SOX5: variants seen among roughly 807,000 people sequenced by gnomAD.
SOX5 encodes transcription factor SOX-5.
In SOX5, 9 loss-of-function variants were observed where a neutral mutation model predicts 92.0. That is an observed-to-expected ratio of 0.10 (90% confidence interval 0.06 to 0.17). The LOEUF (loss-of-function observed/expected upper bound fraction) is 0.17, where lower values mean the gene tolerates loss of function less well. SOX5 is among the 10% of genes least tolerant of loss of function. The probability of loss-of-function intolerance (pLI) is 1.00; values close to 1 mark genes in which losing one functional copy is unlikely to be tolerated. For missense variants in SOX5, 642 were observed against 944.5 expected (o/e 0.68, Z 4.20); for synonymous variants, 344 against 336.3 (o/e 1.02, Z -0.25).
chr12:24,107,169 A>G (rs910761002), intron 4 of SOX5, among the ~76,000 whole-genome samples: 10 of 152,118 alleles, frequency 6.6e-5, no homozygotes, highest in Admixed American at 3.9e-4. Flanking sequence ...TGTTTCTTCT[A>G]CCCAGAGTAT....
At chr12:23,786,964 G>C (rs1201767694) in intron 3 of SOX5, among the ~76,000 whole-genome samples, 1 of 145,508 alleles carries the variant, frequency 6.9e-6, no homozygotes, top group African/African-American at 2.5e-5. Flanking sequence ...CACAGTTGGA[G>C]AACTATTGAT....
intron 4 of SOX5, among the ~76,000 whole-genome samples, chr12:24,007,997 A>G (rs1346477032): frequency 1.3e-5 from 2 of 151,844 alleles, no homozygotes; most frequent in East Asian, 1.9e-4. Flanking sequence ...CAGAAAAAGT[A>G]TATCTTCTTT....
At position 23,757,445 on chromosome 12, in the gene SOX5, G is replaced by A. The variant is rs1464870743; in HGVS notation, c.482-1721C>T. Among the ~76,000 whole-genome samples, 3 of 151,936 alleles carry A rather than the reference G, an allele frequency of 2.0e-5. 1 individual carries two copies. The highest frequency in any genetic ancestry group is 4.2e-4 in the South Asian group (2 of 4,812). ...ATAACCAGCATTTCTCTTCATTGAC[G>A]CTTTAAAAGTAACTTTGAAATACTT... On this transcript the variant is annotated intron_variant, in intron 3 of 14. Coordinates refer to ENST00000451604, the MANE Select transcript of SOX5 (RefSeq NM_006940.6).
chr12:23,902,396 GATA>G (rs923237249), intron 1 of SOX5, among the ~76,000 whole-genome samples: 1 of 151,988 alleles, frequency 6.6e-6, no homozygotes, highest in African/African-American at 2.4e-5. Flanking sequence ...CTTTCGGCAT[GATA>G]ATATTATTTA....
chr12:24,009,929 T>C (rs1010047163), intron 4 of SOX5, among the ~76,000 whole-genome samples: 3 of 152,200 alleles, frequency 2.0e-5, no homozygotes, highest in African/African-American at 7.2e-5. Flanking sequence ...TAGAGATTTC[T>C]TGCTGGAATT....
At chr12:24,379,745 C>T (rs1474137867) in intron 1 of SOX5, among the ~76,000 whole-genome samples, 1 of 151,862 alleles carries the variant, frequency 6.6e-6, no homozygotes, top group Non-Finnish European at 1.5e-5. Flanking sequence ...CTTTCCCCTC[C>T]TTGGTTATTT....
At chr12:24,541,201 A>G (rs983577280) in intron 1 of SOX5, among the ~76,000 whole-genome samples, 8 of 152,230 alleles carry the variant, frequency 5.3e-5, no homozygotes, top group African/African-American at 1.7e-4. Context: ...GCTGCACCAG[A>G]ACACTAATGT....
At chr12:24,071,067 G>GT in intron 4 of SOX5, among the ~76,000 whole-genome samples, 1 of 152,224 alleles carries the variant, frequency 6.6e-6, no homozygotes, top group South Asian at 2.1e-4. Flanking sequence ...GAAGACTGGC[G>GT]TTTCTGTCCC....
intron 1 of SOX5, among the ~76,000 whole-genome samples, chr12:24,518,222 C>T (rs1222697235): frequency 2.0e-5 from 3 of 151,950 alleles, no homozygotes; most frequent in African/African-American, 7.3e-5. Flanking sequence ...GCATGTACCA[C>T]CATGCCTGGC....
chr12:24,553,892 T>C lies in SOX5; in HGVS notation c.-251+8437A>G, dbSNP rs573478991. ...TCTGTTTGTTTCATATGCATGAAAA[T>C]TATCACTTTAGTTCCTGGTTGGATG... On this transcript the variant is annotated intron_variant, in intron 1 of 4. Transcript: ENST00000446891. Among the ~76,000 whole-genome samples, 86 of 152,328 alleles carry C rather than the reference T, an allele frequency of 5.6e-4. 1 individual carries two copies. The highest frequency in any genetic ancestry group is 1.0e-3 in the Non-Finnish European group (69 of 68,030).
intron 6 of SOX5, among the ~76,000 whole-genome samples, chr12:23,705,450 A>G (rs2091262618): frequency 6.6e-6 from 1 of 151,820 alleles, no homozygotes; most frequent in African/African-American, 2.4e-5. Flanking sequence ...CACTAATCAC[A>G]CCCTTTATCT....
intron 4 of SOX5, among the ~76,000 whole-genome samples, chr12:23,741,444 T>C (rs2093793979): frequency 6.6e-6 from 1 of 152,184 alleles, no homozygotes; most frequent in African/African-American, 2.4e-5. Context: ...AATAAAAAGA[T>C]GTCCCAAGTA....
At chr12:23,675,520 C>T (rs1008954635) in intron 6 of SOX5, among the ~76,000 whole-genome samples, 2 of 152,036 alleles carry the variant, frequency 1.3e-5, no homozygotes, top group African/African-American at 4.8e-5. Flanking sequence ...CAATGTGACC[C>T]CAAGCCATAC....
At chr12:24,173,832 C>T (rs1330289713) in intron 4 of SOX5, among the ~76,000 whole-genome samples, 1 of 152,042 alleles carries the variant, frequency 6.6e-6, no homozygotes, top group Non-Finnish European at 1.5e-5. Context: ...GAAGTTATCC[C>T]GGATATTCAT....
At chr12:24,388,532 C>A (rs1958656311) in intron 1 of SOX5, among the ~76,000 whole-genome samples, 1 of 152,118 alleles carries the variant, frequency 6.6e-6, no homozygotes, top group Non-Finnish European at 1.5e-5. Flanking sequence ...GGGGTGGTGA[C>A]AACAGCCTGC....
intron 11 of SOX5, among the ~76,000 whole-genome samples, chr12:23,560,063 C>T (rs1050844203): frequency 2.6e-5 from 4 of 152,092 alleles, no homozygotes; most frequent in African/African-American, 7.2e-5. Context: ...GCGTGCACCA[C>T]CACACCCGGG....
At chr12:23,598,936 G>T (rs1190218442) in intron 9 of SOX5, among the ~76,000 whole-genome samples, 11 of 152,110 alleles carry the variant, frequency 7.2e-5, no homozygotes, top group Admixed American at 7.2e-4. Flanking sequence ...ATTATCCTCT[G>T]ATTTCTCGTA....
At chr12:24,073,771 T>G (rs1455877012) in intron 4 of SOX5, among the ~76,000 whole-genome samples, 2 of 152,156 alleles carry the variant, frequency 1.3e-5, no homozygotes, top group Non-Finnish European at 2.9e-5. Context: ...GATTACATAT[T>G]TTTGATATCT....
At chr12:24,503,290 G>C (rs1360094840) in intron 1 of SOX5, among the ~76,000 whole-genome samples, 2 of 152,158 alleles carry the variant, frequency 1.3e-5, no homozygotes, top group African/African-American at 4.8e-5. Flanking sequence ...CCAACAAATA[G>C]GGAGGCTGAG....
Sources: allele counts gnomAD v4.1 joint callset (sites outside exome capture counted in the v4.1 genomes callset), GRCh38; gene constraint gnomAD v4.1.1; transcripts MANE v1.5; gene names NCBI Gene and HGNC (gene_info 2026-07-23, HGNC 2026-07-21).